The following PCMT1 variants were observed in gnomAD, a reference collection of about 807,000 sequenced individuals.
PCMT1 encodes protein-L-isoaspartate(D-aspartate) O-methyltransferase.
A neutral mutation model predicts 29.2 loss-of-function variants in PCMT1; 9 were observed. The ratio of observed to expected loss-of-function variants is 0.31; its 90% CI spans 0.19 to 0.54. The LOEUF is 0.54. Among genes scored for constraint, PCMT1 ranks in the 20% least tolerant of loss-of-function variants. The pLI, the probability that PCMT1 is intolerant of heterozygous loss-of-function variation, is 0.95. For missense variants in PCMT1, 184 were observed against 282.2 expected (o/e 0.65, Z 2.49); for synonymous variants, 98 against 97.5 (o/e 1.00, Z -0.03).
intron 1 of PCMT1, among the ~76,000 whole-genome samples, chr6:149,751,172 C>T (rs1786298260): frequency 6.6e-6 from 1 of 152,084 alleles, no homozygotes; most frequent in African/African-American, 2.4e-5. Context: ...CAAAAATTAG[C>T]CGGGCGTGGT....
chr6:149,750,042 C>G (rs1786238783), intron 1 of PCMT1, 86 bp downstream of exon 1: 2 of 1,472,450 alleles, frequency 1.4e-6, no homozygotes, highest in South Asian at 1.3e-5. Flanking sequence ...AACGTTCTGT[C>G]TGTCCCCGCG....
At chr6:149,791,125 T>A (rs1788353344) in intron 4 of PCMT1, among the ~76,000 whole-genome samples, 1 of 152,116 alleles carries the variant, frequency 6.6e-6, no homozygotes, top group African/African-American at 2.4e-5. Context: ...CCCTGGGACA[T>A]GTCTGAGGGT....
chr6:149,754,204 G>A (rs926040638), intron 1 of PCMT1, among the ~76,000 whole-genome samples: 2 of 152,138 alleles, frequency 1.3e-5, no homozygotes, highest in African/African-American at 4.8e-5. Context: ...CTGAAGAACC[G>A]AAATTCAATT....
chr6:149,798,578 T>G (rs1788705512), intron 6 of PCMT1, among the ~76,000 whole-genome samples: 1 of 152,224 alleles, frequency 6.6e-6, no homozygotes, highest in African/African-American at 2.4e-5. Flanking sequence ...TGCCTTCTTT[T>G]GGATATCACC....
intron 1 of PCMT1, among the ~76,000 whole-genome samples, chr6:149,766,840 T>C (rs1189098242): frequency 6.6e-6 from 1 of 152,210 alleles, no homozygotes; most frequent in Non-Finnish European, 1.5e-5. Flanking sequence ...ACTATGGTTT[T>C]GGCTTTTCTA....
chr6:149,774,929 G>T (rs1335119501), intron 3 of PCMT1, among the ~76,000 whole-genome samples: 1 of 151,822 alleles, frequency 6.6e-6, no homozygotes, highest in East Asian at 2.0e-4. Context: ...GGATGGTCTC[G>T]ATCTCGTGAC....
chr6:149,795,696 A>C (rs147293817), intron 5 of PCMT1: 1 of 338,450 alleles, frequency 3.0e-6, no homozygotes, highest in African/African-American at 2.2e-5. Context: ...TCCTGAATTG[A>C]GAGAAGCATG....
intron 3 of PCMT1, among the ~76,000 whole-genome samples, chr6:149,776,173 C>CTAA (rs1406106976): frequency 6.6e-6 from 1 of 152,080 alleles, no homozygotes; most frequent in East Asian, 1.9e-4. Flanking sequence ...AAAGAAAAGG[C>CTAA]TAAGATAGTT....
intron 4 of PCMT1, among the ~76,000 whole-genome samples, chr6:149,792,357 T>C (rs113631015): frequency 0.069 from 10,555 of 152,246 alleles, 506 homozygotes; most frequent in Middle Eastern, 0.12. Flanking sequence ...GGTATGTATG[T>C]ATGTAAGTGA....
intron 1 of PCMT1, among the ~76,000 whole-genome samples, chr6:149,766,515 A>G (rs1045811240): frequency 2.0e-5 from 3 of 152,234 alleles, no homozygotes; most frequent in Non-Finnish European, 4.4e-5. Context: ...GATGTGGAAC[A>G]TGGGTCAGCA....
intron 1 of PCMT1, among the ~76,000 whole-genome samples, chr6:149,755,364 G>T (rs946694129): frequency 6.6e-6 from 1 of 151,944 alleles, no homozygotes. Context: ...GAGGTTGAGG[G>T]TGCAGTAAGC....
At chr6:149,783,672 T>G (rs915705730) in intron 3 of PCMT1, among the ~76,000 whole-genome samples, 9 of 152,148 alleles carry the variant, frequency 5.9e-5, no homozygotes, top group Non-Finnish European at 1.0e-4. Context: ...GTGCATTATG[T>G]GTGGGACAAC....
rs554402070 is a variant in PCMT1, at chr6:149,796,819, T to G, written c.504+319T>G. ...TTGTTTGTTTGTTTTTTGTTTTTTG[T>G]TTTTTGTTTTTGAGGTGGAGTTTTG... On this transcript the variant is annotated intron_variant, in intron 6 of 7. Transcript: ENST00000464889. 129 of 175,314 alleles carry G rather than the reference T, an allele frequency of 7.4e-4. 2 individuals are homozygous for G. Among genetic ancestry groups the G allele is most frequent in the Admixed American group, 1.9e-4 (3 of 15,420 alleles). The allele number at this position is 175,314 out of a possible 1,614,324, so 10.9% of individuals were successfully genotyped here. A position where few individuals can be genotyped will look rare whatever the true frequency, so the allele number is the denominator to read the frequency against.
chr6:149,764,689 A>G (rs573607408), intron 1 of PCMT1, among the ~76,000 whole-genome samples: 102 of 152,216 alleles, frequency 6.7e-4, no homozygotes, highest in African/African-American at 2.1e-3. Flanking sequence ...ATAATAAACT[A>G]TGATGGTGCC....
At chr6:149,784,806 C>T (rs2115289353) in intron 3 of PCMT1, among the ~76,000 whole-genome samples, 1 of 152,292 alleles carries the variant, frequency 6.6e-6, no homozygotes. Context: ...AAATCCCAAA[C>T]ATACATAATA....
At chr6:149,757,109 G>A (rs1786541395) in intron 1 of PCMT1, among the ~76,000 whole-genome samples, 1 of 152,116 alleles carries the variant, frequency 6.6e-6, no homozygotes, top group South Asian at 2.1e-4. Context: ...ACCTGAGATC[G>A]CTCCATTGTA....
intron 1 of PCMT1, among the ~76,000 whole-genome samples, chr6:149,753,337 GT>G (rs1393652627): frequency 6.6e-4 from 95 of 143,156 alleles, no homozygotes; most frequent in Middle Eastern, 7.1e-3. Context: ...ATTTTTAATG[GT>G]TTTTTTTTTT....
intron 1 of PCMT1, among the ~76,000 whole-genome samples, chr6:149,751,390 A>G (rs1007579754): frequency 2.0e-5 from 3 of 151,996 alleles, no homozygotes; most frequent in Non-Finnish European, 4.4e-5. Context: ...AATGCCCATT[A>G]AATGTCCGTT....
chr6:149,749,741 G>A lies in PCMT1; in HGVS notation c.-161G>A, dbSNP rs191394377. The A allele has an allele frequency of 1.9e-4, 301 of 1,545,466 alleles. 2 individuals carry two copies. The African/African-American group carries it at 3.6e-3, about 19-fold the overall frequency. ...GTGCCGCGGGGGATGCCGGGAGCGC[G>A]CAGTGGCGGCAGCGGCGGCGACGGC... On this transcript the variant is annotated 5_prime_UTR_variant, in exon 1 of 8. Coordinates refer to ENST00000464889, the MANE Select transcript of PCMT1 (RefSeq NM_001360452.2).
Sources: allele counts gnomAD v4.1 joint callset (sites outside exome capture counted in the v4.1 genomes callset), GRCh38; gene constraint gnomAD v4.1.1; transcripts MANE v1.5; gene names NCBI Gene and HGNC (gene_info 2026-07-23, HGNC 2026-07-21).